Variants in KIF6 observed in about 807,000 individuals in gnomAD.
KIF6 encodes kinesin-like protein KIF6.
Under a neutral mutation model 112.7 loss-of-function variants are expected in KIF6, and 106 were observed. The observed-to-expected ratio is 0.94, with a 90% CI of 0.80 to 1.11. KIF6 has a LOEUF of 1.11. Among genes scored for constraint, KIF6 ranks in the 50% least tolerant of loss-of-function variants. The pLI is 0.00. For missense variants in KIF6, 929 were observed against 964.0 expected (o/e 0.96, Z 0.48); for synonymous variants, 339 against 339.9 (o/e 1.00, Z 0.03).
chr6:39,556,457 A>G (rs1779713116), intron 10 of KIF6, among the ~76,000 whole-genome samples: 1 of 152,192 alleles, frequency 6.6e-6, no homozygotes, highest in Non-Finnish European at 1.5e-5. Context: ...ATGAGCTGTG[A>G]AAGAGAAGTT....
chr6:39,487,964 T>A lies in KIF6; in HGVS notation c.1645+52039A>T, dbSNP rs112694147. On this transcript the variant is annotated intron_variant, in intron 13 of 22. Coordinates refer to ENST00000287152, the MANE Select transcript of KIF6 (RefSeq NM_145027.6). ...TTGGCCAAGATATAGTCAGGGCACC[T>A]CAAACTATATACTTGCATTTATAGG... 7.7e-3 allele frequency among the ~76,000 whole-genome samples: 1,054 copies of A among 137,286 alleles called. 12 individuals carry two copies. The highest frequency in any genetic ancestry group is 0.028 in the African/African-American group (1,005 of 36,032). 90.1% of individuals were successfully genotyped at this position (137,286 alleles called of 152,430 possible).
At chr6:39,449,186 T>C (rs1015678078) in intron 13 of KIF6, among the ~76,000 whole-genome samples, 2 of 152,212 alleles carry the variant, frequency 1.3e-5, no homozygotes, top group Admixed American at 6.5e-5. Flanking sequence ...ATTCTCTATA[T>C]AGCAACCCAA....
At chr6:39,663,557 G>T (rs1786285480) in intron 3 of KIF6, among the ~76,000 whole-genome samples, 1 of 152,020 alleles carries the variant, frequency 6.6e-6, no homozygotes. Flanking sequence ...TTTTAGATTT[G>T]GCTATAAGAA....
intron 3 of KIF6, among the ~76,000 whole-genome samples, chr6:39,694,541 CAAATCAAGAATGCAAT>C (rs1299081251): frequency 2.0e-5 from 3 of 151,992 alleles, no homozygotes; most frequent in Non-Finnish European, 4.4e-5. Context: ...AGCTGAGAAC[CAAATCAAGAATGCAAT>C]CCCATTTATA....
intron 19 of KIF6, among the ~76,000 whole-genome samples, chr6:39,350,600 T>C (rs978137266): frequency 4.6e-5 from 7 of 151,874 alleles, no homozygotes; most frequent in Non-Finnish European, 8.8e-5. Flanking sequence ...CTTGGGAACG[T>C]GGGAATGCCA....
intron 3 of KIF6, among the ~76,000 whole-genome samples, chr6:39,642,139 T>C (rs944470174): frequency 6.6e-5 from 10 of 152,166 alleles, no homozygotes; most frequent in Admixed American, 3.9e-4. Flanking sequence ...GGAAAAATAC[T>C]AGTTAAAAAT....
intron 3 of KIF6, among the ~76,000 whole-genome samples, chr6:39,665,639 A>G (rs1052761055): frequency 2.6e-5 from 4 of 152,230 alleles, no homozygotes. Flanking sequence ...GCAACTGCAC[A>G]GATCTGTCCA....
chr6:39,341,908 C>T (rs116395525), intron 22 of KIF6, among the ~76,000 whole-genome samples: 95 of 130,974 alleles, frequency 7.3e-4, no homozygotes, highest in African/African-American at 2.6e-3. Context: ...TTGGCCCCTA[C>T]AATCTACACT....
At chr6:39,714,591 G>A (rs303701) in intron 3 of KIF6, 101 bp downstream of exon 3, 659,127 of 741,922 alleles carry the variant, frequency 0.89, 293,939 homozygotes, top group East Asian at 0.99. Flanking sequence ...TGCAGCCTAA[G>A]TATATAATTG....
At chr6:39,346,433 G>A (rs534806340) in intron 20 of KIF6, 43 bp downstream of exon 20, 121 of 716,928 alleles carry the variant, frequency 1.7e-4, no homozygotes, top group South Asian at 1.6e-3. Context: ...GTGAGGATGC[G>A]TCGAGAAGAC....
chr6:39,619,501 G>A (rs573962877), intron 5 of KIF6, among the ~76,000 whole-genome samples: 10 of 152,228 alleles, frequency 6.6e-5, no homozygotes, highest in Admixed American at 2.6e-4. Context: ...TTAATGTAAT[G>A]TAACCAACAG....
chr6:39,482,625 T>G (rs9367008), intron 13 of KIF6, among the ~76,000 whole-genome samples: 9,483 of 152,312 alleles, frequency 0.062, 504 homozygotes, highest in East Asian at 0.25. Context: ...TACTAGTTCC[T>G]CATGCAGTAT....
chr6:39,553,121 A>G (rs1422246547), intron 10 of KIF6, among the ~76,000 whole-genome samples: 1 of 152,206 alleles, frequency 6.6e-6, no homozygotes, highest in Non-Finnish European at 1.5e-5. Flanking sequence ...TGTGACAGGT[A>G]TTATATACAT....
At chr6:39,437,332 C>G (rs765844786) in intron 13 of KIF6, among the ~76,000 whole-genome samples, 21 of 152,162 alleles carry the variant, frequency 1.4e-4, no homozygotes, top group Non-Finnish European at 2.9e-4. Flanking sequence ...GTTTGACTTT[C>G]TCTTTTCCAA....
chr6:39,715,212 T>C (rs1425290288), intron 2 of KIF6, among the ~76,000 whole-genome samples: 1 of 152,238 alleles, frequency 6.6e-6, no homozygotes, highest in African/African-American at 2.4e-5. Flanking sequence ...AACTTAGTTT[T>C]AGTATTTTGA....
At chr6:39,632,581 A>T (rs1353658144) in intron 5 of KIF6, among the ~76,000 whole-genome samples, 2 of 147,816 alleles carry the variant, frequency 1.4e-5, no homozygotes, top group African/African-American at 2.6e-5. Context: ...ATCAAATCCA[A>T]GTACAGCAAA....
intron 3 of KIF6, among the ~76,000 whole-genome samples, chr6:39,684,233 G>A (rs1787710299): frequency 6.6e-6 from 1 of 152,168 alleles, no homozygotes; most frequent in Non-Finnish European, 1.5e-5. Flanking sequence ...CGGGTGCAGG[G>A]GCTCACGCCT....
intron 15 of KIF6, among the ~76,000 whole-genome samples, chr6:39,416,620 T>C (rs149459765): frequency 4.8e-4 from 73 of 152,242 alleles, no homozygotes; most frequent in African/African-American, 1.7e-3. Flanking sequence ...CCTAGTTGGG[T>C]TGGCTTCTTT....
At chr6:39,455,454 G>A (rs1263478762) in intron 13 of KIF6, among the ~76,000 whole-genome samples, 1 of 151,868 alleles carries the variant, frequency 6.6e-6, no homozygotes, top group Non-Finnish European at 1.5e-5. Context: ...ACTCTAAAAC[G>A]CAGAGTGCCT....
Sources: gnomAD v4.1 joint callset for allele counts (sites outside exome capture counted in the v4.1 genomes callset) on GRCh38, gnomAD v4.1.1 for gene constraint, MANE v1.5 for transcripts, NCBI Gene and HGNC (gene_info 2026-07-23, HGNC 2026-07-21) for gene names.